Variants in GALNT13 observed in about 807,000 individuals in gnomAD.
The protein encoded by GALNT13 is UDP-GalNAc:polypeptide N-acetylgalactosaminyltransferase 13.
In GALNT13, 28 loss-of-function variants were observed where a neutral mutation model predicts 64.2. The ratio of observed to expected loss-of-function variants is 0.44; its 90% CI spans 0.32 to 0.60. The LOEUF (loss-of-function observed/expected upper bound fraction) is 0.60, where lower values mean the gene tolerates loss of function less well. Ranked by LOEUF, GALNT13 falls within the 20% of genes least tolerant of loss-of-function variation. The pLI, the probability that GALNT13 is intolerant of heterozygous loss-of-function variation, is 0.05. For synonymous variants in GALNT13, 214 were observed against 224.6 expected, an observed-to-expected ratio of 0.95 and a Z score of 0.42; for missense variants, 577 against 669.8, an observed-to-expected ratio of 0.86 and a Z score of 1.53.
At chr2:153,398,385 G>A in the GALNT13 span, among the ~76,000 whole-genome samples, 39 of 152,108 alleles carry the variant, frequency 2.6e-4, no homozygotes, top group South Asian at 1.5e-3. Flanking sequence ...ATAAACATAC[G>A]TGTGCATGTG....
chr2:153,780,704 G>C, the GALNT13 span, among the ~76,000 whole-genome samples: 5 of 151,940 alleles, frequency 3.3e-5, no homozygotes, highest in Admixed American at 3.3e-4. Flanking sequence ...ATTTTTTGGG[G>C]GGAGATATGC....
chr2:154,447,968 C>G, intron 12 of GALNT13, among the ~76,000 whole-genome samples: 1 of 151,988 alleles, frequency 6.6e-6, no homozygotes. Context: ...GAGTGCTTCT[C>G]TCCATAGGAG....
chr2:154,021,038 C>T (rs950533579), intron 3 of GALNT13, among the ~76,000 whole-genome samples: 10 of 152,180 alleles, frequency 6.6e-5, no homozygotes, highest in Non-Finnish European at 1.2e-4. Context: ...TCTGACGCCT[C>T]TGTTCTGCTC....
chr2:154,070,343 G>A, intron 3 of GALNT13, among the ~76,000 whole-genome samples: 1 of 152,072 alleles, frequency 6.6e-6, no homozygotes, highest in African/African-American at 2.4e-5. Context: ...CATATTATCA[G>A]TATCAACATA....
chr2:154,196,656 G>A (rs772329095), intron 4 of GALNT13, among the ~76,000 whole-genome samples: 1 of 152,148 alleles, frequency 6.6e-6, no homozygotes, highest in African/African-American at 2.4e-5. Context: ...AGCTACTACC[G>A]GTCACTGTTA....
At chr2:154,155,077 T>G (rs1684326137) in intron 4 of GALNT13, among the ~76,000 whole-genome samples, 2 of 152,012 alleles carry the variant, frequency 1.3e-5, no homozygotes, top group African/African-American at 4.8e-5. Flanking sequence ...ATGGAAACTA[T>G]TATTGTTATC....
the GALNT13 span, among the ~76,000 whole-genome samples, chr2:153,565,155 G>A: frequency 5.9e-5 from 9 of 152,116 alleles, 1 homozygote; most frequent in South Asian, 6.2e-4. Context: ...GTAGGTGTGC[G>A]TTGTTTTAAG....
chr2:153,716,858 AG>A, the GALNT13 span, among the ~76,000 whole-genome samples: 1 of 152,212 alleles, frequency 6.6e-6, no homozygotes, highest in Admixed American at 6.5e-5. Flanking sequence ...CCTAATGGAA[AG>A]GCCCCCTACT....
chr2:153,544,799 A>G, the GALNT13 span, among the ~76,000 whole-genome samples: 2 of 152,210 alleles, frequency 1.3e-5, no homozygotes, highest in Non-Finnish European at 2.9e-5. Context: ...AGTTATTTTT[A>G]AATGGTCAGC....
chr2:154,013,865 A>G (rs971408342), intron 3 of GALNT13, among the ~76,000 whole-genome samples: 2 of 152,062 alleles, frequency 1.3e-5, no homozygotes, highest in Non-Finnish European at 2.9e-5. Flanking sequence ...CTGCAGTGAG[A>G]AGAGGCTGTG....
chr2:153,814,465 GTAAATAAATAAATAAATAAATAAA>G, the GALNT13 span, among the ~76,000 whole-genome samples: 1,093 of 149,012 alleles, frequency 7.3e-3, 5 homozygotes, highest in Non-Finnish European at 0.01. Context: ...AAGTAAGTAA[GTAAATAAATAAATAAATAAATAAA>G]TAAATAAATA....
chr2:153,105,148 G>T, the GALNT13 span, among the ~76,000 whole-genome samples: 1 of 149,144 alleles, frequency 6.7e-6, no homozygotes, highest in African/African-American at 2.5e-5. Flanking sequence ...ACCGAATCCA[G>T]CAGCACATCA....
the GALNT13 span, among the ~76,000 whole-genome samples, chr2:153,622,120 A>G: frequency 1.3e-5 from 2 of 152,140 alleles, no homozygotes; most frequent in African/African-American, 4.8e-5. Flanking sequence ...AAGTGTTCCA[A>G]GGTGATAACT....
chr2:153,677,568 T>A, the GALNT13 span, among the ~76,000 whole-genome samples: 15 of 152,020 alleles, frequency 9.9e-5, no homozygotes, highest in Non-Finnish European at 4.4e-5. Flanking sequence ...ATTTTACAAT[T>A]TATATGGAAC....
the GALNT13 span, among the ~76,000 whole-genome samples, chr2:153,353,851 A>G: frequency 6.6e-6 from 1 of 152,092 alleles, no homozygotes; most frequent in Non-Finnish European, 1.5e-5. Flanking sequence ...TTGATTTGTT[A>G]GTCATTTTAT....
At chr2:153,958,791 G>A (rs1454718638) in intron 3 of GALNT13, among the ~76,000 whole-genome samples, 2 of 152,224 alleles carry the variant, frequency 1.3e-5, no homozygotes, top group East Asian at 3.9e-4. Flanking sequence ...ACACAGAAAG[G>A]GAGGATAAAC....
intron 1 of GALNT13, among the ~76,000 whole-genome samples, chr2:153,895,738 A>C (rs1487020719): frequency 6.6e-6 from 1 of 152,122 alleles, no homozygotes; most frequent in African/African-American, 2.4e-5. Context: ...GTCTCATGCT[A>C]CTTGACCCAG....
At chr2:153,454,809 GT>G in the GALNT13 span, among the ~76,000 whole-genome samples, 8 of 152,162 alleles carry the variant, frequency 5.3e-5, no homozygotes, top group Admixed American at 5.2e-4. Flanking sequence ...GGCACACAGC[GT>G]ACTCACACCA....
the GALNT13 span, among the ~76,000 whole-genome samples, chr2:153,457,526 T>A: frequency 6.6e-6 from 1 of 152,226 alleles, no homozygotes; most frequent in African/African-American, 2.4e-5. Context: ...TAAGCACTTA[T>A]TGAACTAGAC....
Sources: allele counts gnomAD v4.1 joint callset (sites outside exome capture counted in the v4.1 genomes callset), GRCh38; gene constraint gnomAD v4.1.1; transcripts MANE v1.5; gene names NCBI Gene and HGNC (gene_info 2026-07-23, HGNC 2026-07-21).